Variants in ESF1 observed in about 807,000 individuals in gnomAD.
ESF1 encodes ESF1 homolog.
Under a neutral mutation model 92.0 loss-of-function variants are expected in ESF1, and 58 were observed. That is an observed-to-expected ratio of 0.63 (90% confidence interval 0.51 to 0.78). The LOEUF is 0.78. ESF1 is among the 30% of genes least tolerant of loss of function. The pLI, the probability that ESF1 is intolerant of heterozygous loss-of-function variation, is 0.00. For missense variants in ESF1, 922 were observed against 989.1 expected, an observed-to-expected ratio of 0.93 and a Z score of 0.91; for synonymous variants, 321 against 313.7, an observed-to-expected ratio of 1.02 and a Z score of -0.24.
At chr20:13,722,914 G>A (rs1018496654) in intron 11 of ESF1, among the ~76,000 whole-genome samples, 3 of 151,900 alleles carry the variant, frequency 2.0e-5, no homozygotes, top group Non-Finnish European at 2.9e-5. Context: ...AAATACATAT[G>A]GATTGATTCT....
rs753159544 is a variant in ESF1 at position 13,772,529 on chromosome 20, G to A, written c.1236C>T (p.Ala412=). Residue 412 remains alanine (A), a synonymous_variant, in exon 5 of 14, where the codon GCC becomes GCT. Transcript: ENST00000617257. ...PVELLSIPED[A]PEKDWTSREK... ...TGATTTAATACCAGTCTTTTTCTGGGGCATCTTCAGGAATACTTAATAGCT... is the reference window on the plus strand; with the variant it reads ...TGATTTAATACCAGTCTTTTTCTGGAGCATCTTCAGGAATACTTAATAGCT... 1.1e-5 allele frequency: 18 copies of A among 1,609,780 alleles called. No homozygotes were observed. In the African/African-American group the frequency reaches 1.7e-4, roughly 16 times the overall value.
chr20:13,769,327 G>GAGACAGAAGAGTGTACAGGAA (rs1369308488), intron 7 of ESF1, among the ~76,000 whole-genome samples: 13 of 152,098 alleles, frequency 8.5e-5, no homozygotes, highest in African/African-American at 3.1e-4. Context: ...GTGTATAGGA[G>GAGACAGAAGAGTGTACAGGAA]AGACAGAAGA....
intron 9 of ESF1, among the ~76,000 whole-genome samples, chr20:13,746,261 A>G (rs902822523): frequency 6.6e-5 from 10 of 152,204 alleles, no homozygotes; most frequent in Non-Finnish European, 1.2e-4. Context: ...CACCATGCCC[A>G]GCCCATTTTA....
chr20:13,760,582 G>A (rs967406298), intron 8 of ESF1, among the ~76,000 whole-genome samples: 4 of 151,542 alleles, frequency 2.6e-5, no homozygotes, highest in Non-Finnish European at 5.9e-5. Flanking sequence ...TGGGAAGTGA[G>A]GAGCCCCTCC....
At chr20:13,716,775 G>T (rs1180669703) in intron 13 of ESF1, among the ~76,000 whole-genome samples, 1 of 140,148 alleles carries the variant, frequency 7.1e-6, no homozygotes, top group African/African-American at 2.7e-5. Flanking sequence ...TGAGTAGCTG[G>T]GACTACAGGT....
At chr20:13,738,145 T>C (rs529525106) in intron 9 of ESF1, among the ~76,000 whole-genome samples, 32 of 152,304 alleles carry the variant, frequency 2.1e-4, no homozygotes, top group African/African-American at 7.5e-4. Flanking sequence ...GGGCCATTTT[T>C]TCCTCCTTGG....
rs557442761 is a variant in ESF1 at position 13,778,283 on chromosome 20, A to C, written c.638-2013T>G. Among the ~76,000 whole-genome samples, 5 of 152,276 alleles carry C rather than the reference A, an allele frequency of 3.3e-5. No individual in the cohort carries two copies. In the South Asian group the frequency reaches 1.0e-3, roughly 32 times the overall value. The stretch of plus-strand genomic sequence containing the variant: ...AAGTGAAAAGCGCCAAAATGAAAGC[A>C]TTGTCACAGGTTCTATATATGAGAT... On this transcript the variant is annotated intron_variant, in intron 2 of 13. Coordinates refer to ENST00000617257, the MANE Select transcript of ESF1 (RefSeq NM_001276380.2).
At position 13,768,444 on chromosome 20, in the gene ESF1, T is replaced by C. The variant is rs189602823; in HGVS notation, c.1518+1463A>G. On this transcript the variant is annotated intron_variant, in intron 7 of 13. Transcript: ENST00000617257. ...CTAAATATACAAAATTAGCTGGGCA[T>C]GGTGGCGTGCCCCTGTAATCCCAGC... 3.2e-3 allele frequency among the ~76,000 whole-genome samples: 488 copies of C among 152,188 alleles called. 4 individuals carry two copies. Among genetic ancestry groups the C allele is most frequent in the Non-Finnish European group, 5.3e-3 (361 of 67,998 alleles).
rs745529114 is a variant in ESF1 at position 13,776,288 on chromosome 20, G to A, written c.638-18C>T. 14 of 1,574,430 alleles carry A rather than the reference G, an allele frequency of 8.9e-6. No homozygotes were observed. The highest frequency in any genetic ancestry group is 1.2e-5 in the South Asian group (1 of 84,724). On this transcript the variant is annotated intron_variant, in intron 2 of 13. Coordinates refer to ENST00000617257, the MANE Select transcript of ESF1 (RefSeq NM_001276380.2). ...TTGAACCACTGCAAAATGTTAAAGG[G>A]GAAAGAAATTAAGAAAAGATATATG...
At chr20:13,759,329 T>C (rs780668562) in intron 9 of ESF1, among the ~76,000 whole-genome samples, 22 of 152,214 alleles carry the variant, frequency 1.4e-4, no homozygotes, top group Non-Finnish European at 2.9e-4. Flanking sequence ...ACCTCATGAA[T>C]TAAGGACTAG....
In ESF1 at chr20:13,748,431, T is replaced by TATATATACATATACAC. The variant is rs1568717980; in HGVS notation, c.1828+11260_1828+11261insGTGTATATGTATATAT. 2.1e-5 allele frequency among the ~76,000 whole-genome samples: 3 copies of TATATATACATATACAC among 143,760 alleles called. No individual in the cohort carries two copies. In the South Asian group the frequency reaches 6.4e-4, roughly 31 times the overall value. 94.3% of individuals were successfully genotyped at this position (143,760 alleles called of 152,430 possible). On this transcript the variant is annotated intron_variant, in intron 9 of 13. Transcript: ENST00000617257. ...ATACACATATATATACATATACACATATATATACACATATATACATATATA... is the reference window on the plus strand; with the variant it reads ...ATACACATATATATACATATACACATATATATACATATACACATATATACACATATATACATATATA...
chr20:13,721,355 G>C (rs1406189675), intron 11 of ESF1, among the ~76,000 whole-genome samples: 7 of 152,154 alleles, frequency 4.6e-5, no homozygotes, highest in Admixed American at 4.6e-4. Flanking sequence ...TGAACAAGAG[G>C]TTAAAATCGT....
At chr20:13,730,202 A>G (rs915940655) in intron 10 of ESF1, among the ~76,000 whole-genome samples, 5 of 151,644 alleles carry the variant, frequency 3.3e-5, no homozygotes, top group Non-Finnish European at 7.4e-5. Context: ...CCTCCCAAGT[A>G]GCTGGGATTA....
chr20:13,747,445 G>A (rs941123813), intron 9 of ESF1, among the ~76,000 whole-genome samples: 13 of 151,976 alleles, frequency 8.6e-5, no homozygotes, highest in African/African-American at 2.9e-4. Flanking sequence ...TGTAGTCCCA[G>A]CTACTCGTGA....
At chr20:13,751,721 C>T (rs1031646934) in intron 9 of ESF1, among the ~76,000 whole-genome samples, 8 of 152,100 alleles carry the variant, frequency 5.3e-5, no homozygotes, top group South Asian at 4.1e-4. Context: ...AAAATTAAAT[C>T]GGCTGGGCGT....
At chr20:13,756,763 C>G (rs1978916628) in intron 9 of ESF1, among the ~76,000 whole-genome samples, 1 of 152,184 alleles carries the variant, frequency 6.6e-6, no homozygotes, top group African/African-American at 2.4e-5. Flanking sequence ...TGAGTTAAGC[C>G]TGAATGCTAG....
intron 2 of ESF1, among the ~76,000 whole-genome samples, chr20:13,779,030 A>G (rs1487053656): frequency 6.6e-6 from 1 of 152,154 alleles, no homozygotes; most frequent in East Asian, 1.9e-4. Context: ...TGGGCAGCAG[A>G]GCGAGACCCT....
chr20:13,738,185 T>C (rs749769436), intron 9 of ESF1, among the ~76,000 whole-genome samples: 5 of 152,190 alleles, frequency 3.3e-5, no homozygotes, highest in Non-Finnish European at 7.3e-5. Flanking sequence ...GCATAGGATA[T>C]CCTTAAAGCA....
intron 10 of ESF1, among the ~76,000 whole-genome samples, chr20:13,732,237 G>A (rs182531910): frequency 6.1e-4 from 93 of 152,178 alleles, no homozygotes; most frequent in African/African-American, 2.0e-3. Flanking sequence ...TCACCCAGCC[G>A]GTGTCCACTG....
Sources: gnomAD v4.1 joint callset for allele counts (sites outside exome capture counted in the v4.1 genomes callset) on GRCh38, gnomAD v4.1.1 for gene constraint, MANE v1.5 for transcripts, NCBI Gene and HGNC (gene_info 2026-07-23, HGNC 2026-07-21) for gene names.